Variants in LRRTM4 observed in about 807,000 individuals in gnomAD.
LRRTM4 encodes the protein leucine rich repeat transmembrane neuronal 4.
In LRRTM4, 25 loss-of-function variants were observed where a neutral mutation model predicts 47.6. That is an observed-to-expected ratio of 0.53 (90% confidence interval 0.38 to 0.73). The LOEUF (loss-of-function observed/expected upper bound fraction) is 0.73. Ranked by LOEUF, LRRTM4 falls within the 30% of genes least tolerant of loss-of-function variation. LRRTM4 has a pLI of 0.00. For synonymous variants in LRRTM4, 311 were observed against 269.5 expected, an observed-to-expected ratio of 1.15 and a Z score of -1.51; for missense variants, 638 against 713.4, an observed-to-expected ratio of 0.89 and a Z score of 1.20.
chr2:77,191,161 A>T (rs1402547775), intron 3 of LRRTM4, among the ~76,000 whole-genome samples: 4 of 152,142 alleles, frequency 2.6e-5, no homozygotes, highest in Non-Finnish European at 5.9e-5. Context: ...TCAAATGTAC[A>T]CATAGGACAT....
chr2:77,441,367 C>T (rs7593709), intron 3 of LRRTM4, among the ~76,000 whole-genome samples: 311 of 152,252 alleles, frequency 2.0e-3, no homozygotes, highest in Admixed American at 5.5e-3. Flanking sequence ...TAATATTTAT[C>T]GGATGCTTAC....
intron 3 of LRRTM4, among the ~76,000 whole-genome samples, chr2:76,960,743 T>A (rs998184203): frequency 2.6e-5 from 4 of 151,614 alleles, no homozygotes; most frequent in African/African-American, 9.7e-5. Context: ...ACTATACATT[T>A]TGTTTTCCCT....
chr2:77,053,082 G>C (rs1254687624), intron 3 of LRRTM4, among the ~76,000 whole-genome samples: 1 of 152,092 alleles, frequency 6.6e-6, no homozygotes, highest in African/African-American at 2.4e-5. Flanking sequence ...ATAAAGAAGT[G>C]AGTCCTTGGT....
intron 3 of LRRTM4, among the ~76,000 whole-genome samples, chr2:77,433,613 A>G (rs892263674): frequency 6.6e-6 from 1 of 152,230 alleles, no homozygotes; most frequent in Admixed American, 6.5e-5. Context: ...ATGTTTACCT[A>G]TAGATTTTCC....
chr2:76,881,035 G>A (rs964415979), intron 3 of LRRTM4, among the ~76,000 whole-genome samples: 6 of 152,104 alleles, frequency 3.9e-5, no homozygotes, highest in African/African-American at 1.2e-4. Context: ...CTATAGTACC[G>A]TAGGATGGCT....
chr2:77,330,170 G>C (rs1213158745), intron 3 of LRRTM4, among the ~76,000 whole-genome samples: 1 of 152,072 alleles, frequency 6.6e-6, no homozygotes, highest in African/African-American at 2.4e-5. Context: ...AATGTCACTT[G>C]AAGAGGAGTA....
At chr2:77,456,075 TC>T (rs1226210739) in intron 3 of LRRTM4, among the ~76,000 whole-genome samples, 1 of 152,116 alleles carries the variant, frequency 6.6e-6, no homozygotes, top group Non-Finnish European at 1.5e-5. Context: ...AGCTCTTTCA[TC>T]AAAATTCCAA....
intron 3 of LRRTM4, among the ~76,000 whole-genome samples, chr2:77,122,581 A>G (rs1671548510): frequency 6.6e-6 from 1 of 151,318 alleles, no homozygotes; most frequent in Admixed American, 6.6e-5. Context: ...GAAATGATAT[A>G]TTTTGGACAT....
intron 3 of LRRTM4, among the ~76,000 whole-genome samples, chr2:77,083,746 C>A: frequency 7.7e-6 from 1 of 130,420 alleles, no homozygotes; most frequent in Non-Finnish European, 1.6e-5. Context: ...TCCTTTCTTT[C>A]ATAGTAACAA....
intron 3 of LRRTM4, among the ~76,000 whole-genome samples, chr2:76,852,724 A>C (rs1299498566): frequency 6.6e-6 from 1 of 152,136 alleles, no homozygotes; most frequent in East Asian, 1.9e-4. Flanking sequence ...ACTCTTTCAG[A>C]ACTCAAAGTG....
intron 3 of LRRTM4, among the ~76,000 whole-genome samples, chr2:77,190,441 C>A (rs958319651): frequency 6.6e-6 from 1 of 151,802 alleles, no homozygotes; most frequent in Non-Finnish European, 1.5e-5. Flanking sequence ...ATAACAGGTG[C>A]CTGCCACCAC....
intron 3 of LRRTM4, among the ~76,000 whole-genome samples, chr2:77,131,052 T>C (rs1282134052): frequency 2.0e-5 from 3 of 149,278 alleles, no homozygotes; most frequent in African/African-American, 7.4e-5. Flanking sequence ...GCCGGGATGG[T>C]CTCGATATCC....
At chr2:77,091,688 A>G (rs1262717029) in intron 3 of LRRTM4, among the ~76,000 whole-genome samples, 1 of 149,266 alleles carries the variant, frequency 6.7e-6, no homozygotes, top group Non-Finnish European at 1.5e-5. Context: ...ACTTGGACTG[A>G]CCCTGACACC....
At chr2:77,406,782 T>C (rs1481815938) in intron 3 of LRRTM4, among the ~76,000 whole-genome samples, 1 of 152,168 alleles carries the variant, frequency 6.6e-6, no homozygotes, top group Non-Finnish European at 1.5e-5. Context: ...TATAAAGAGC[T>C]GAAGTAGAAA....
At chr2:77,477,953 AAGAAAG>A (rs1233452106) in intron 3 of LRRTM4, among the ~76,000 whole-genome samples, 15 of 140,972 alleles carry the variant, frequency 1.1e-4, no homozygotes, top group African/African-American at 4.1e-4. Context: ...GAAAGAAAGA[AAGAAAG>A]AAAGAAAGAA....
chr2:77,077,335 A>G (rs540556375), intron 3 of LRRTM4, among the ~76,000 whole-genome samples: 3 of 152,254 alleles, frequency 2.0e-5, no homozygotes, highest in Admixed American at 6.5e-5. Context: ...ACTTGGTCCT[A>G]TAGTAAGACT....
chr2:76,947,011 A>G (rs1675344085), intron 3 of LRRTM4, among the ~76,000 whole-genome samples: 1 of 151,864 alleles, frequency 6.6e-6, no homozygotes, highest in South Asian at 2.1e-4. Context: ...GAATAATTAT[A>G]GAACCAATAA....
chr2:76,851,125 C>T (rs1225498606), intron 3 of LRRTM4, among the ~76,000 whole-genome samples: 1 of 152,176 alleles, frequency 6.6e-6, no homozygotes, highest in Non-Finnish European at 1.5e-5. Context: ...TCTAAGAGTT[C>T]AGCCTCGTGC....
chr2:77,508,029 A>T (rs541400521), intron 3 of LRRTM4, among the ~76,000 whole-genome samples: 79 of 152,246 alleles, frequency 5.2e-4, no homozygotes, highest in African/African-American at 1.9e-3. Context: ...AGTGAACAGA[A>T]GTCTAATTTG....
Sources: gnomAD v4.1 joint callset for allele counts (sites outside exome capture counted in the v4.1 genomes callset) on GRCh38, gnomAD v4.1.1 for gene constraint, MANE v1.5 for transcripts, NCBI Gene and HGNC (gene_info 2026-07-23, HGNC 2026-07-21) for gene names.